ADGRL3: variants seen among roughly 807,000 people sequenced by gnomAD.
The protein encoded by ADGRL3 is adhesion G protein-coupled receptor L3, also known as calcium-independent alpha-latrotoxin receptor 3.
A neutral mutation model predicts 153.5 loss-of-function variants in ADGRL3; 62 were observed. The observed-to-expected ratio is 0.40, with a 90% CI of 0.33 to 0.50. The LOEUF (loss-of-function observed/expected upper bound fraction) is 0.50. ADGRL3 is among the 20% of genes least tolerant of loss of function. The pLI, the probability that ADGRL3 is intolerant of heterozygous loss-of-function variation, is 0.47. For missense variants in ADGRL3, 1,641 were observed against 1,859.4 expected (o/e 0.88, Z 2.16); for synonymous variants, 710 against 672.5 (o/e 1.06, Z -0.86).
At chr4:61,265,859 G>A (rs760824465) in intron 1 of ADGRL3, among the ~76,000 whole-genome samples, 5 of 151,684 alleles carry the variant, frequency 3.3e-5, no homozygotes, top group Admixed American at 6.6e-5. Flanking sequence ...TATAATCTTC[G>A]AAATTTGCAT....
chr4:61,721,203 A>G (rs2096237930), intron 6 of ADGRL3, among the ~76,000 whole-genome samples: 1 of 152,272 alleles, frequency 6.6e-6, no homozygotes, highest in Admixed American at 6.5e-5. Context: ...ATTAAGGAGT[A>G]TTGACACACG....
intron 2 of ADGRL3, among the ~76,000 whole-genome samples, chr4:61,394,585 A>T (rs1411872253): frequency 6.6e-6 from 1 of 152,012 alleles, no homozygotes; most frequent in African/African-American, 2.4e-5. Context: ...TATAAAAAAA[A>T]ATTACGTATC....
chr4:61,629,536 G>A (rs986321479), intron 5 of ADGRL3, among the ~76,000 whole-genome samples: 2 of 151,222 alleles, frequency 1.3e-5, no homozygotes, highest in African/African-American at 2.4e-5. Context: ...GGCCAACATG[G>A]TAAAATCCCC....
At chr4:61,318,578 C>T (rs1212648887) in intron 1 of ADGRL3, among the ~76,000 whole-genome samples, 2 of 152,130 alleles carry the variant, frequency 1.3e-5, no homozygotes, top group East Asian at 1.9e-4. Flanking sequence ...TAACTGAACA[C>T]GCTGTCTGCT....
intron 1 of ADGRL3, among the ~76,000 whole-genome samples, chr4:61,333,534 T>C (rs893030330): frequency 2.6e-5 from 4 of 152,162 alleles, no homozygotes; most frequent in South Asian, 2.1e-4. Flanking sequence ...TTTTATGGCA[T>C]TTCTTAATCT....
At chr4:61,430,544 T>C (rs2097343959) in intron 2 of ADGRL3, among the ~76,000 whole-genome samples, 1 of 152,186 alleles carries the variant, frequency 6.6e-6, no homozygotes, top group Non-Finnish European at 1.5e-5. Context: ...TGAAAATTTA[T>C]TTCTATTTTT....
chr4:62,006,033 T>TATATATATATA (rs1491468575), intron 21 of ADGRL3, among the ~76,000 whole-genome samples: 1 of 43,700 alleles, frequency 2.3e-5, no homozygotes, highest in African/African-American at 7.5e-5. Context: ...TATATATATA[T>TATATATATATA]TTTTTTTTTT....
chr4:61,716,226 C>T (rs2096111826), intron 6 of ADGRL3, among the ~76,000 whole-genome samples: 2 of 152,030 alleles, frequency 1.3e-5, no homozygotes, highest in South Asian at 2.1e-4. Flanking sequence ...TGGTGTGTGG[C>T]TCTAGAAACA....
At chr4:61,527,968 C>T (rs2098581732) in intron 4 of ADGRL3, among the ~76,000 whole-genome samples, 1 of 152,088 alleles carries the variant, frequency 6.6e-6, no homozygotes, top group South Asian at 2.1e-4. Flanking sequence ...GCCCTTTCCT[C>T]TCTTTTGTTG....
intron 5 of ADGRL3, among the ~76,000 whole-genome samples, chr4:61,664,295 T>A (rs2094707434): frequency 2.6e-5 from 4 of 152,218 alleles, no homozygotes; most frequent in Admixed American, 2.6e-4. Context: ...TATCAGAATA[T>A]GGAGCTGTTA....
chr4:61,598,062 G>A (rs569873896), intron 5 of ADGRL3, among the ~76,000 whole-genome samples: 8 of 152,090 alleles, frequency 5.3e-5, no homozygotes, highest in African/African-American at 1.9e-4. Context: ...TGCCTGAGGA[G>A]ATACAATCCT....
At chr4:61,291,217 C>T (rs2094179173) in intron 1 of ADGRL3, among the ~76,000 whole-genome samples, 1 of 145,794 alleles carries the variant, frequency 6.9e-6, no homozygotes. Context: ...CACACACACA[C>T]GCACACACAC....
chr4:61,286,144 G>A (rs1679216887), intron 1 of ADGRL3, among the ~76,000 whole-genome samples: 1 of 151,300 alleles, frequency 6.6e-6, no homozygotes, highest in South Asian at 2.1e-4. Context: ...TTTGTGGTCA[G>A]TTGTACAACT....
intron 8 of ADGRL3, among the ~76,000 whole-genome samples, chr4:61,803,577 A>G (rs1471856183): frequency 6.6e-6 from 1 of 152,108 alleles, no homozygotes; most frequent in East Asian, 1.9e-4. Flanking sequence ...TATTTTTTAT[A>G]TAATAAAGGA....
chr4:61,949,694 C>T (rs954667574), intron 17 of ADGRL3, among the ~76,000 whole-genome samples: 5 of 149,566 alleles, frequency 3.3e-5, no homozygotes, highest in African/African-American at 1.2e-4. Flanking sequence ...GACTCTGTCT[C>T]AAATAAAAAA....
chr4:61,929,609 AGG>A (rs2098808930), intron 13 of ADGRL3, among the ~76,000 whole-genome samples: 1 of 152,204 alleles, frequency 6.6e-6, no homozygotes, highest in African/African-American at 2.4e-5. Context: ...GCCAAGAGTT[AGG>A]GAACACTGCT....
intron 8 of ADGRL3, among the ~76,000 whole-genome samples, chr4:61,736,517 G>A (rs1246709347): frequency 6.6e-6 from 1 of 152,088 alleles, no homozygotes; most frequent in Non-Finnish European, 1.5e-5. Context: ...AATTAGTCTG[G>A]TGTGGTGGTG....
chr4:61,603,998 G>C (rs971573680), intron 5 of ADGRL3, among the ~76,000 whole-genome samples: 2 of 152,140 alleles, frequency 1.3e-5, no homozygotes, highest in Non-Finnish European at 2.9e-5. Context: ...TGGAGATCCT[G>C]CATGAGAGAG....
At chr4:61,412,753 C>A (rs189091906) in intron 2 of ADGRL3, among the ~76,000 whole-genome samples, 11 of 151,992 alleles carry the variant, frequency 7.2e-5, no homozygotes, top group Admixed American at 1.3e-4. Context: ...TGTGTATTTT[C>A]CTGTTCTAGA....
Sources: gnomAD v4.1 joint callset for allele counts (sites outside exome capture counted in the v4.1 genomes callset) on GRCh38, gnomAD v4.1.1 for gene constraint, MANE v1.5 for transcripts, NCBI Gene and HGNC (gene_info 2026-07-23, HGNC 2026-07-21) for gene names.